SPATA13: variants seen among roughly 807,000 people sequenced by gnomAD.
SPATA13 encodes the protein spermatogenesis-associated protein 13.
In SPATA13, 50 loss-of-function variants were observed where a neutral mutation model predicts 104.0. The observed-to-expected ratio is 0.48, with a 90% CI of 0.38 to 0.61. The LOEUF is 0.61. Ranked by LOEUF, SPATA13 falls within the 20% of genes least tolerant of loss-of-function variation. The pLI, the probability that SPATA13 is intolerant of heterozygous loss-of-function variation, is 0.00. For missense variants in SPATA13, 1,524 were observed against 1,690.6 expected, an observed-to-expected ratio of 0.90 and a Z score of 1.73; for synonymous variants, 606 against 667.5, an observed-to-expected ratio of 0.91 and a Z score of 1.42.
chr13:24,169,598 G>A (rs1168158929), intron 1 of SPATA13, among the ~76,000 whole-genome samples: 1 of 152,158 alleles, frequency 6.6e-6, no homozygotes, highest in Non-Finnish European at 1.5e-5. Flanking sequence ...CCCTTCCCGA[G>A]GTCATGTGGC....
chr13:24,233,048 GA>G (rs1035594769), intron 2 of SPATA13, among the ~76,000 whole-genome samples: 1 of 152,098 alleles, frequency 6.6e-6, no homozygotes, highest in African/African-American at 2.4e-5. Context: ...TGTGTAATAT[GA>G]AGGTTCATTT....
At chr13:24,282,665 C>T (rs889890904) in intron 4 of SPATA13, among the ~76,000 whole-genome samples, 3 of 152,200 alleles carry the variant, frequency 2.0e-5, no homozygotes, top group Non-Finnish European at 2.9e-5. Flanking sequence ...CCCAACAGCT[C>T]TTCCTCCACG....
rs112669132 is a variant in SPATA13 at position 24,116,594 on chromosome 13, C to T, written c.-112+98893C>T. Among the ~76,000 whole-genome samples, 365 of 152,276 alleles carry T rather than the reference C, an allele frequency of 2.4e-3. 6 individuals are homozygous for T. Among genetic ancestry groups the T allele is most frequent in the African/African-American group, 8.1e-3 (337 of 41,560 alleles). Reference sequence around the variant, plus strand: ...ACTGTATCTAGGAGTTCATTTTACCCTCATTTTACAGATGAAACGTCTCAG... The same window carrying T: ...ACTGTATCTAGGAGTTCATTTTACCTTCATTTTACAGATGAAACGTCTCAG... On this transcript the variant is annotated intron_variant, in intron 3 of 14. Coordinates refer to the SPATA13 transcript ENST00000424834.
intron 11 of SPATA13, among the ~76,000 whole-genome samples, chr13:24,299,031 CTG>C (rs1876992673): frequency 6.6e-6 from 1 of 152,158 alleles, no homozygotes; most frequent in African/African-American, 2.4e-5. Flanking sequence ...GGTGCAGACT[CTG>C]GGGCCCCATT....
chr13:24,004,277 G>A (rs991600359), intron 2 of SPATA13, among the ~76,000 whole-genome samples: 3 of 152,202 alleles, frequency 2.0e-5, no homozygotes, highest in African/African-American at 7.2e-5. Flanking sequence ...TCAATAAAGA[G>A]TCAGGAGTGA....
At chr13:24,222,439 G>A (rs1439869980) in intron 1 of SPATA13, among the ~76,000 whole-genome samples, 2 of 151,866 alleles carry the variant, frequency 1.3e-5, no homozygotes, top group East Asian at 1.9e-4. Context: ...TTTTGAAATC[G>A]TTGTGAGGTT....
chr13:23,981,732 G>C (rs7325329), intron 1 of SPATA13, among the ~76,000 whole-genome samples: 50,685 of 152,066 alleles, frequency 0.33, 8,736 homozygotes, highest in Middle Eastern at 0.46. Flanking sequence ...CATGTCTCAC[G>C]GCCAGTCAGG....
At chr13:23,994,238 T>C (rs923443847) in intron 2 of SPATA13, among the ~76,000 whole-genome samples, 4 of 152,212 alleles carry the variant, frequency 2.6e-5, no homozygotes, top group African/African-American at 9.6e-5. Context: ...TGACCAAACC[T>C]ATGGCAAAAC....
chr13:24,080,567 T>C (rs1879478843), intron 3 of SPATA13, among the ~76,000 whole-genome samples: 1 of 152,240 alleles, frequency 6.6e-6, no homozygotes, highest in Non-Finnish European at 1.5e-5. Flanking sequence ...CAGGCTGGAC[T>C]CTGGGACCCA....
At chr13:24,216,253 A>T (rs1445160514) in intron 1 of SPATA13, among the ~76,000 whole-genome samples, 1 of 152,216 alleles carries the variant, frequency 6.6e-6, no homozygotes, top group African/African-American at 2.4e-5. Context: ...GCAACTTTAG[A>T]CACAGAAGGA....
chr13:24,083,872 G>T (rs1459496220), intron 3 of SPATA13, among the ~76,000 whole-genome samples: 1 of 152,140 alleles, frequency 6.6e-6, no homozygotes. Flanking sequence ...AAAAACCCCC[G>T]TCTGGAGATG....
At chr13:24,294,395 T>C (rs1450635701) in intron 9 of SPATA13, among the ~76,000 whole-genome samples, 1 of 152,270 alleles carries the variant, frequency 6.6e-6, no homozygotes, top group Non-Finnish European at 1.5e-5. Flanking sequence ...ATCAGAGCCA[T>C]AATAAAGACT....
At chr13:24,077,257 C>A (rs1879360629) in intron 3 of SPATA13, among the ~76,000 whole-genome samples, 1 of 105,052 alleles carries the variant, frequency 9.5e-6, no homozygotes, top group Non-Finnish European at 1.9e-5. Context: ...AGCGAGACTC[C>A]ATGTCAAAAA....
At chr13:24,127,060 T>C (rs1441170630) in intron 3 of SPATA13, among the ~76,000 whole-genome samples, 1 of 152,206 alleles carries the variant, frequency 6.6e-6, no homozygotes, top group Non-Finnish European at 1.5e-5. Context: ...AAGTTAGTAA[T>C]ATTACCTCCT....
intron 4 of SPATA13, among the ~76,000 whole-genome samples, chr13:24,266,993 T>G (rs1337753577): frequency 1.3e-5 from 2 of 152,072 alleles, no homozygotes; most frequent in Non-Finnish European, 2.9e-5. Flanking sequence ...TGGTTTAGGT[T>G]TTCGTTGTAG....
At chr13:24,028,881 T>C (rs1370006087) in intron 3 of SPATA13, among the ~76,000 whole-genome samples, 1 of 152,178 alleles carries the variant, frequency 6.6e-6, no homozygotes, top group Non-Finnish European at 1.5e-5. Flanking sequence ...TTTCTAAAAA[T>C]ATCCTTGCTC....
chr13:23,981,018 T>C (rs1364544658), intron 1 of SPATA13, among the ~76,000 whole-genome samples: 1 of 152,192 alleles, frequency 6.6e-6, no homozygotes, highest in East Asian at 1.9e-4. Context: ...AAACGAATTG[T>C]TCCTCAGCTT....
At chr13:24,190,025 TG>T (rs1203011879) in intron 1 of SPATA13, among the ~76,000 whole-genome samples, 6 of 56,106 alleles carry the variant, frequency 1.1e-4, no homozygotes, top group East Asian at 6.5e-4. Context: ...TATAACATAA[TG>T]ATATACAATA....
chr13:24,124,634 C>G (rs1593345390), intron 3 of SPATA13, among the ~76,000 whole-genome samples: 1 of 152,212 alleles, frequency 6.6e-6, no homozygotes, highest in African/African-American at 2.4e-5. Flanking sequence ...AAAAGCTAAA[C>G]AGCCCACTTG....
Sources: allele counts gnomAD v4.1 joint callset (sites outside exome capture counted in the v4.1 genomes callset), GRCh38; gene constraint gnomAD v4.1.1; transcripts MANE v1.5; gene names NCBI Gene and HGNC (gene_info 2026-07-23, HGNC 2026-07-21).